NRXN1: variants seen among roughly 807,000 people sequenced by gnomAD.
NRXN1 encodes the protein neurexin-1.
A neutral mutation model predicts 150.9 loss-of-function variants in NRXN1; 39 were observed. That is an observed-to-expected ratio of 0.26 (90% CI 0.20 to 0.34). The LOEUF is 0.34. Ranked by LOEUF, NRXN1 falls within the 10% of genes least tolerant of loss-of-function variation. NRXN1 has a pLI of 1.00. For synonymous variants in NRXN1, 924 were observed against 757.0 expected, an observed-to-expected ratio of 1.22 and a Z score of -3.62; for missense variants, 1,815 against 1,949.9, an observed-to-expected ratio of 0.93 and a Z score of 1.30.
At chr2:50,821,150 G>C (rs1005953243) in intron 5 of NRXN1, among the ~76,000 whole-genome samples, 8 of 152,174 alleles carry the variant, frequency 5.3e-5, no homozygotes, top group African/African-American at 1.7e-4. Flanking sequence ...AGAATATGAA[G>C]AGTATGGATC....
chr2:50,111,351 A>G (rs927220841), intron 18 of NRXN1, among the ~76,000 whole-genome samples: 11 of 152,074 alleles, frequency 7.2e-5, no homozygotes, highest in African/African-American at 2.7e-4. Flanking sequence ...TTTGAATTGA[A>G]AGTTACTCTC....
intron 19 of NRXN1, among the ~76,000 whole-genome samples, chr2:50,066,312 G>A (rs750606085): frequency 6.6e-6 from 1 of 152,148 alleles, no homozygotes; most frequent in Non-Finnish European, 1.5e-5. Context: ...GGGGACAAAT[G>A]AGGAAAGTTA....
intron 5 of NRXN1, chr2:50,631,456 C>A (rs965875664): frequency 2.4e-5 from 4 of 166,274 alleles, no homozygotes; most frequent in Non-Finnish European, 5.2e-5. Flanking sequence ...GCCCAACAGA[C>A]AAAACTATGG....
intron 17 of NRXN1, among the ~76,000 whole-genome samples, chr2:50,429,830 G>A (rs1011677094): frequency 1.6e-4 from 24 of 152,070 alleles, no homozygotes; most frequent in South Asian, 2.1e-4. Context: ...GGAATAAGAC[G>A]AGAGAAGCAC....
At chr2:50,480,506 A>T (rs983011615) in intron 15 of NRXN1, among the ~76,000 whole-genome samples, 1 of 152,136 alleles carries the variant, frequency 6.6e-6, no homozygotes, top group African/African-American at 2.4e-5. Context: ...TATCACAAAG[A>T]AAGACATGCA....
intron 5 of NRXN1, among the ~76,000 whole-genome samples, chr2:50,627,688 T>C (rs952320306): frequency 6.6e-6 from 1 of 151,490 alleles, no homozygotes; most frequent in African/African-American, 2.4e-5. Flanking sequence ...ACATTCCCAC[T>C]GAATAAGTAG....
chr2:50,714,342 A>G (rs564541499), intron 5 of NRXN1, among the ~76,000 whole-genome samples: 1 of 152,282 alleles, frequency 6.6e-6, no homozygotes, highest in African/African-American at 2.4e-5. Flanking sequence ...CCTGTAATAT[A>G]TTAAGAGAAA....
intron 5 of NRXN1, among the ~76,000 whole-genome samples, chr2:50,686,339 G>T (rs527836604): frequency 6.6e-6 from 1 of 152,042 alleles, no homozygotes; most frequent in East Asian, 1.9e-4. Flanking sequence ...AACAGTTGAC[G>T]TTGCAACCAG....
chr2:50,274,920 T>C (rs139721152), intron 17 of NRXN1, among the ~76,000 whole-genome samples: 131 of 152,316 alleles, frequency 8.6e-4, no homozygotes, highest in African/African-American at 3.0e-3. Context: ...TTTCTCTGTA[T>C]ACTTAACTCA....
chr2:50,922,419 T>A, intron 4 of NRXN1: 1 of 599,056 alleles, frequency 1.7e-6, no homozygotes, highest in Non-Finnish European at 3.0e-6. Flanking sequence ...ATGTCTCATT[T>A]ATTTGCAAAT....
intron 17 of NRXN1, among the ~76,000 whole-genome samples, chr2:50,409,691 C>T (rs889911268): frequency 6.6e-6 from 1 of 152,138 alleles, no homozygotes; most frequent in Admixed American, 6.5e-5. Context: ...ATTTGGTTTT[C>T]CAAAGTTTAG....
chr2:50,778,989 C>T (rs1704004904), intron 5 of NRXN1, among the ~76,000 whole-genome samples: 1 of 152,158 alleles, frequency 6.6e-6, no homozygotes, highest in African/African-American at 2.4e-5. Context: ...CTTGCCAAGA[C>T]TATGTCTCTG....
intron 12 of NRXN1, among the ~76,000 whole-genome samples, chr2:50,514,194 G>T (rs2092557625): frequency 6.6e-6 from 1 of 152,138 alleles, no homozygotes. Flanking sequence ...CTAACAAATT[G>T]CACAGATGAT....
At chr2:50,426,596 G>A (rs1461712101) in intron 17 of NRXN1, among the ~76,000 whole-genome samples, 1 of 152,106 alleles carries the variant, frequency 6.6e-6, no homozygotes, top group Non-Finnish European at 1.5e-5. Flanking sequence ...GTTCTTCCAG[G>A]ACAATTTCCA....
At chr2:50,145,645 T>C (rs984983031) in intron 18 of NRXN1, among the ~76,000 whole-genome samples, 4 of 151,688 alleles carry the variant, frequency 2.6e-5, no homozygotes, top group Non-Finnish European at 5.9e-5. Flanking sequence ...CTTAGCTGTG[T>C]CACCATTGCA....
chr2:50,013,233 G>T (rs986609415), intron 21 of NRXN1, among the ~76,000 whole-genome samples: 6 of 146,436 alleles, frequency 4.1e-5, no homozygotes, highest in South Asian at 2.1e-4. Context: ...CTACAAAGGG[G>T]TTTTCGTTTT....
Position 49,974,237 on chromosome 2 carries a change from T to C in NRXN1, c.4129-30446A>G, listed in dbSNP as rs76037224. 573 of 675,988 alleles carry C rather than the reference T, an allele frequency of 8.5e-4. 7 individuals carry two copies. In the African/African-American group the frequency reaches 9.0e-3, roughly 11 times the overall value. 41.9% of individuals were successfully genotyped at this position (675,988 alleles called of 1,614,324 possible). ...CAGTCACGTGTCACTGAGGAGCCAA[T>C]GGCTGACGCACTACGGCAGGAAGGG... On this transcript the variant is annotated intron_variant, in intron 21 of 22. Transcript: ENST00000401669.
intron 18 of NRXN1, among the ~76,000 whole-genome samples, chr2:50,201,046 G>A (rs934979056): frequency 6.6e-6 from 1 of 151,852 alleles, no homozygotes; most frequent in Admixed American, 6.6e-5. Context: ...AATTTCTGAG[G>A]CCAGTATTTT....
chr2:50,851,981 A>C (rs1674584715), intron 5 of NRXN1, among the ~76,000 whole-genome samples: 1 of 152,198 alleles, frequency 6.6e-6, no homozygotes, highest in African/African-American at 2.4e-5. Context: ...ACTCCAAAGG[A>C]CGCGAATGTC....
Sources: gnomAD v4.1 joint callset for allele counts (sites outside exome capture counted in the v4.1 genomes callset) on GRCh38, gnomAD v4.1.1 for gene constraint, MANE v1.5 for transcripts, NCBI Gene and HGNC (gene_info 2026-07-23, HGNC 2026-07-21) for gene names.